PTPN2: variants seen among roughly 807,000 people sequenced by gnomAD.
PTPN2 encodes the protein tyrosine-protein phosphatase non-receptor type 2.
Under a neutral mutation model 57.3 loss-of-function variants are expected in PTPN2, and 19 were observed. That is an observed-to-expected ratio of 0.33 (90% confidence interval 0.23 to 0.49). The LOEUF (loss-of-function observed/expected upper bound fraction) is 0.49, where lower values mean the gene tolerates loss of function less well. Among genes scored for constraint, PTPN2 ranks in the 20% least tolerant of loss-of-function variants. The pLI is 0.99. For synonymous variants in PTPN2, 153 were observed against 164.9 expected, an observed-to-expected ratio of 0.93 and a Z score of 0.55; for missense variants, 358 against 501.1, an observed-to-expected ratio of 0.71 and a Z score of 2.73.
chr18:12,816,643 G>C (rs546201110), intron 6 of PTPN2, among the ~76,000 whole-genome samples: 3 of 152,268 alleles, frequency 2.0e-5, no homozygotes, highest in East Asian at 3.9e-4. Flanking sequence ...TTAGCCGTTG[G>C]GGGCACAGAC....
intron 1 of PTPN2, among the ~76,000 whole-genome samples, chr18:12,874,590 G>A (rs1294522125): frequency 1.5e-5 from 2 of 130,838 alleles, no homozygotes; most frequent in Admixed American, 7.5e-5. Flanking sequence ...GAGGTGGGGG[G>A]TTCAGCCCCC....
intron 7 of PTPN2, among the ~76,000 whole-genome samples, chr18:12,813,165 A>G (rs914533976): frequency 6.6e-6 from 1 of 152,208 alleles, no homozygotes; most frequent in Non-Finnish European, 1.5e-5. Context: ...TGATTGAACT[A>G]CTTTTCTTTT....
chr18:12,796,631 T>C (rs2041200876), intron 8 of PTPN2, among the ~76,000 whole-genome samples: 2 of 152,174 alleles, frequency 1.3e-5, no homozygotes, highest in Admixed American at 1.3e-4. Flanking sequence ...CACTCCTAGA[T>C]ATGTACCCAA....
At chr18:12,798,618 A>G (rs1403982584) in intron 8 of PTPN2, among the ~76,000 whole-genome samples, 1 of 152,188 alleles carries the variant, frequency 6.6e-6, no homozygotes, top group Non-Finnish European at 1.5e-5. Flanking sequence ...ATAGTATTCC[A>G]TGCTGTATAT....
At chr18:12,816,525 C>G (rs1330096464) in intron 6 of PTPN2, among the ~76,000 whole-genome samples, 1 of 152,000 alleles carries the variant, frequency 6.6e-6, no homozygotes, top group Non-Finnish European at 1.5e-5. Flanking sequence ...TAAGGGCAAA[C>G]AGAAGTTTCA....
At chr18:12,811,877 CACT>C (rs1276148260) in intron 7 of PTPN2, among the ~76,000 whole-genome samples, 3 of 108,960 alleles carry the variant, frequency 2.8e-5, no homozygotes, top group African/African-American at 1.2e-4. Context: ...ACCCATGAGT[CACT>C]GCCACTAGGA....
intron 2 of PTPN2, among the ~76,000 whole-genome samples, chr18:12,849,401 A>G (rs939465805): frequency 1.3e-5 from 2 of 152,190 alleles, no homozygotes; most frequent in African/African-American, 4.8e-5. Context: ...TCTACTGAAA[A>G]TACAAAAATT....
intron 1 of PTPN2, among the ~76,000 whole-genome samples, chr18:12,873,821 G>T (rs979978233): frequency 6.6e-6 from 1 of 152,040 alleles, no homozygotes; most frequent in African/African-American, 2.4e-5. Flanking sequence ...CTGCCCGGCC[G>T]CCATCCCATC....
chr18:12,871,996 C>T (rs61631456), intron 1 of PTPN2, among the ~76,000 whole-genome samples: 3 of 151,008 alleles, frequency 2.0e-5, no homozygotes, highest in South Asian at 4.2e-4. Flanking sequence ...TGCAGTAAGC[C>T]GAGATCGTGC....
At chr18:12,830,315 TAG>T (rs1326743385) in intron 4 of PTPN2, among the ~76,000 whole-genome samples, 2 of 152,118 alleles carry the variant, frequency 1.3e-5, no homozygotes, top group Non-Finnish European at 1.5e-5. Context: ...GTATTTTTAG[TAG>T]AGACGGGGTT....
At chr18:12,858,726 T>C (rs1000031656) in intron 2 of PTPN2, among the ~76,000 whole-genome samples, 1 of 152,220 alleles carries the variant, frequency 6.6e-6, no homozygotes, top group African/African-American at 2.4e-5. Context: ...TACTCTTCTC[T>C]GTTTTCTAAG....
At chr18:12,836,987 A>G (rs2042888119) in intron 2 of PTPN2, 96 bp from the exon 3 acceptor site, 2 of 748,264 alleles carry the variant, frequency 2.7e-6, no homozygotes, top group Non-Finnish European at 4.3e-6. Context: ...AGACAGAAGA[A>G]ATAAGAAAAA....
rs1185478011 is a variant in PTPN2 at position 12,793,606 on chromosome 18, T to C, written c.*672A>G. On this transcript the variant is annotated 3_prime_UTR_variant, in exon 9 of 9. Transcript: ENST00000309660. ...AACATAAAAGAAATGCAATATATAG[T>C]AGAAATTGCTTATTCCAACTTCTAA... The C allele has an allele frequency of 2.0e-6, 2 of 978,040 alleles. No individual in the cohort carries two copies. The highest frequency in any genetic ancestry group is 2.4e-6 in the Non-Finnish European group (2 of 822,846). The allele number at this position is 978,040 out of a possible 1,614,324, so 60.6% of individuals were successfully genotyped here. A position where few individuals can be genotyped will look rare whatever the true frequency, so the allele number is the denominator to read the frequency against.
chr18:12,823,681 T>A (rs1036155724), intron 5 of PTPN2, among the ~76,000 whole-genome samples: 1 of 151,960 alleles, frequency 6.6e-6, no homozygotes, highest in Admixed American at 6.6e-5. Context: ...TCTTAAAAAA[T>A]AGGGGACCAG....
At chr18:12,859,041 T>A (rs1479989037) in intron 2 of PTPN2, 123 bp downstream of exon 2, 1 of 602,466 alleles carries the variant, frequency 1.7e-6, no homozygotes, top group Non-Finnish European at 2.8e-6. Flanking sequence ...GAACGTGTCT[T>A]ACGTAAATAG....
intron 2 of PTPN2, among the ~76,000 whole-genome samples, chr18:12,849,518 C>G (rs1231583459): frequency 2.6e-5 from 4 of 152,076 alleles, no homozygotes; most frequent in African/African-American, 9.7e-5. Flanking sequence ...AAGATCGTGC[C>G]ACCGCACTCC....
chr18:12,843,145 A>G (rs550978914), intron 2 of PTPN2, among the ~76,000 whole-genome samples: 36 of 152,268 alleles, frequency 2.4e-4, no homozygotes, highest in African/African-American at 8.4e-4. Flanking sequence ...ACATGATTCC[A>G]GACGTAGTCA....
chr18:12,789,071 G>C (rs1309254893), downstream of PTPN2, among the ~76,000 whole-genome samples: 2 of 152,146 alleles, frequency 1.3e-5, no homozygotes, highest in Non-Finnish European at 2.9e-5. Flanking sequence ...GAGAGCTCTT[G>C]GTAGAGCAGG....
intron 7 of PTPN2, among the ~76,000 whole-genome samples, chr18:12,803,731 A>C (rs980233568): frequency 6.6e-6 from 1 of 152,226 alleles, no homozygotes; most frequent in Non-Finnish European, 1.5e-5. Flanking sequence ...ATATAAAGCA[A>C]GTATTATTAC....
Sources: gnomAD v4.1 joint callset for allele counts (sites outside exome capture counted in the v4.1 genomes callset) on GRCh38, gnomAD v4.1.1 for gene constraint, MANE v1.5 for transcripts, NCBI Gene and HGNC (gene_info 2026-07-23, HGNC 2026-07-21) for gene names.